DOK6: variants seen among roughly 807,000 people sequenced by gnomAD.
DOK6 encodes the protein downstream of tyrosine kinase 6.
Under a neutral mutation model 44.0 loss-of-function variants are expected in DOK6, and 22 were observed. That is an observed-to-expected ratio of 0.50 (90% CI 0.36 to 0.71). DOK6 has a LOEUF of 0.71. Among genes scored for constraint, DOK6 ranks in the 30% least tolerant of loss-of-function variants. The pLI, the probability that DOK6 is intolerant of heterozygous loss-of-function variation, is 0.00. For synonymous variants in DOK6, 166 were observed against 145.5 expected (o/e 1.14, Z -1.01); for missense variants, 340 against 416.4 (o/e 0.82, Z 1.60).
At chr18:69,689,996 T>C (rs2144695332) in intron 4 of DOK6, among the ~76,000 whole-genome samples, 1 of 152,144 alleles carries the variant, frequency 6.6e-6, no homozygotes, top group South Asian at 2.1e-4. Flanking sequence ...GTGTGAATAT[T>C]TTTGTATATT....
chr18:69,733,595 TC>T (rs1356318040), intron 5 of DOK6, among the ~76,000 whole-genome samples: 1 of 152,220 alleles, frequency 6.6e-6, no homozygotes, highest in Non-Finnish European at 1.5e-5. Flanking sequence ...TTAACTATAG[TC>T]ACCATGTTGG....
chr18:69,739,253 T>G, intron 6 of DOK6, 150 bp downstream of exon 6: 2 of 982,068 alleles, frequency 2.0e-6, no homozygotes, highest in Non-Finnish European at 2.9e-6. Context: ...CTCATCTCTC[T>G]AATATCCTAT....
Position 69,686,727 on chromosome 18 carries a change from A to G in DOK6, c.409+8874A>G, listed in dbSNP as rs541170845. Among the ~76,000 whole-genome samples, 17 of 146,360 alleles carry G rather than the reference A, an allele frequency of 1.2e-4. No homozygotes were observed. In the East Asian group the frequency reaches 3.0e-3, roughly 26 times the overall value. On this transcript the variant is annotated intron_variant, in intron 4 of 7. Transcript: ENST00000382713. Reference sequence around the variant, plus strand: ...AAAAAAGGAAACAGGAACCACATATAATAAAACAAGATAATATAAGACACT... The same window carrying G: ...AAAAAAGGAAACAGGAACCACATATGATAAAACAAGATAATATAAGACACT...
chr18:69,758,789 G>T (rs1371113164), intron 7 of DOK6, among the ~76,000 whole-genome samples: 2 of 152,210 alleles, frequency 1.3e-5, no homozygotes, highest in Non-Finnish European at 2.9e-5. Context: ...CCCTCTGGTA[G>T]TTAGACATTC....
chr18:69,553,708 A>G (rs1163785579), intron 1 of DOK6, among the ~76,000 whole-genome samples: 2 of 152,202 alleles, frequency 1.3e-5, no homozygotes, highest in Non-Finnish European at 2.9e-5. Flanking sequence ...CAGAAGCCCC[A>G]GTACAACCAC....
intron 7 of DOK6, among the ~76,000 whole-genome samples, chr18:69,779,453 T>TACACACACACACAC (rs36016822): frequency 4.7e-5 from 7 of 148,916 alleles, no homozygotes; most frequent in African/African-American, 1.7e-4. Flanking sequence ...ACACACAGTC[T>TACACACACACACAC]ACACACACAC....
intron 7 of DOK6, among the ~76,000 whole-genome samples, chr18:69,826,299 C>A (rs1222860843): frequency 6.6e-6 from 1 of 152,144 alleles, no homozygotes; most frequent in Non-Finnish European, 1.5e-5. Flanking sequence ...CCATATCCTG[C>A]AGGTTTTCAG....
chr18:69,671,163 A>G (rs1230059919), intron 3 of DOK6, among the ~76,000 whole-genome samples: 1 of 152,216 alleles, frequency 6.6e-6, no homozygotes, highest in African/African-American at 2.4e-5. Context: ...AAAAAGCAGC[A>G]CATTTGATTG....
chr18:69,517,766 A>G (rs1981572021), intron 1 of DOK6, among the ~76,000 whole-genome samples: 1 of 150,308 alleles, frequency 6.7e-6, no homozygotes, highest in Admixed American at 6.6e-5. Flanking sequence ...CTTTTCTTAG[A>G]GATACTGTGT....
intron 1 of DOK6, among the ~76,000 whole-genome samples, chr18:69,510,279 T>C (rs1228377137): frequency 6.6e-6 from 1 of 152,236 alleles, no homozygotes; most frequent in Admixed American, 6.5e-5. Context: ...TTTTTGGTGC[T>C]ATTGGAATCA....
chr18:69,666,837 G>T (rs765877738), intron 3 of DOK6, among the ~76,000 whole-genome samples: 43 of 152,178 alleles, frequency 2.8e-4, no homozygotes, highest in Non-Finnish European at 1.3e-4. Flanking sequence ...CATCAGCAGG[G>T]ATTCACAAGC....
chr18:69,737,381 G>A (rs545901526), intron 5 of DOK6, among the ~76,000 whole-genome samples: 25 of 152,106 alleles, frequency 1.6e-4, no homozygotes, highest in African/African-American at 3.1e-4. Context: ...GCGAGAACTC[G>A]TTCAATATCA....
chr18:69,839,366 CA>C (rs1982147339), intron 7 of DOK6, among the ~76,000 whole-genome samples: 1 of 150,644 alleles, frequency 6.6e-6, no homozygotes, highest in South Asian at 2.1e-4. Context: ...TGGTCTATCC[CA>C]TGACTCCTTC....
chr18:69,780,891 C>G (rs933602193), intron 7 of DOK6, among the ~76,000 whole-genome samples: 1 of 152,048 alleles, frequency 6.6e-6, no homozygotes, highest in Non-Finnish European at 1.5e-5. Flanking sequence ...TCAATGGACA[C>G]CAAGATGTGG....
chr18:69,402,119 G>C (rs1346050895), intron 1 of DOK6, among the ~76,000 whole-genome samples: 1 of 152,152 alleles, frequency 6.6e-6, no homozygotes, highest in African/African-American at 2.4e-5. Flanking sequence ...CTTGGGACGC[G>C]AGAGAGAGGA....
intron 1 of DOK6, among the ~76,000 whole-genome samples, chr18:69,549,023 G>A (rs1351804316): frequency 6.7e-6 from 1 of 150,090 alleles, no homozygotes; most frequent in Non-Finnish European, 1.5e-5. Flanking sequence ...TGAACCCCGG[G>A]TGACGGAGCC....
intron 3 of DOK6, among the ~76,000 whole-genome samples, chr18:69,676,176 C>T (rs1985918156): frequency 6.6e-6 from 1 of 152,314 alleles, no homozygotes; most frequent in Non-Finnish European, 1.5e-5. Flanking sequence ...CACATGCAAA[C>T]TGTACTTTCG....
chr18:69,607,497 A>T (rs79051125), intron 3 of DOK6, among the ~76,000 whole-genome samples: 4,950 of 127,850 alleles, frequency 0.039, 124 homozygotes, highest in East Asian at 0.18. Flanking sequence ...ATTTCCTTGG[A>T]TATAAAAAAA....
At chr18:69,474,201 T>A (rs62096618) in intron 1 of DOK6, among the ~76,000 whole-genome samples, 27,776 of 152,000 alleles carry the variant, frequency 0.18, 3,203 homozygotes, top group Non-Finnish European at 0.26. Flanking sequence ...TCTCACACAC[T>A]CTCTCTCTGG....
Sources: allele counts gnomAD v4.1 joint callset (sites outside exome capture counted in the v4.1 genomes callset), GRCh38; gene constraint gnomAD v4.1.1; transcripts MANE v1.5; gene names NCBI Gene and HGNC (gene_info 2026-07-23, HGNC 2026-07-21).